Variants in PRKDC observed in about 807,000 individuals in gnomAD.
PRKDC encodes the protein protein kinase, DNA-activated, catalytic subunit.
Under a neutral mutation model 486.9 loss-of-function variants are expected in PRKDC, and 82 were observed. The ratio of observed to expected loss-of-function variants is 0.17; its 90% CI spans 0.14 to 0.20. PRKDC has a LOEUF of 0.20. Ranked by LOEUF, PRKDC falls within the 10% of genes least tolerant of loss-of-function variation. The probability of loss-of-function intolerance (pLI) is 1.00; values close to 1 mark genes in which losing one functional copy is unlikely to be tolerated. For synonymous variants in PRKDC, 1,895 were observed against 1,837.0 expected (o/e 1.03, Z -0.81); for missense variants, 4,504 against 5,038.2 (o/e 0.89, Z 3.21).
intron 76 of PRKDC, among the ~76,000 whole-genome samples, chr8:47,788,046 A>G (rs1314198335): frequency 6.6e-6 from 1 of 152,232 alleles, no homozygotes; most frequent in Non-Finnish European, 1.5e-5. Flanking sequence ...AAGAGTTCCA[A>G]GACTTATCTA....
At chr8:47,868,113 T>C (rs2088860032) in intron 40 of PRKDC, among the ~76,000 whole-genome samples, 1 of 152,206 alleles carries the variant, frequency 6.6e-6, no homozygotes, top group South Asian at 2.1e-4. Context: ...TTTGTGTTTA[T>C]ATTCATGAAG....
chr8:47,866,718 A>T (rs896203256), intron 40 of PRKDC, among the ~76,000 whole-genome samples: 1 of 152,222 alleles, frequency 6.6e-6, no homozygotes, highest in Non-Finnish European at 1.5e-5. Flanking sequence ...CAGATACACT[A>T]GTATATTACA....
intron 22 of PRKDC, among the ~76,000 whole-genome samples, chr8:47,917,216 A>G (rs749551244): frequency 6.6e-6 from 1 of 152,078 alleles, no homozygotes; most frequent in Non-Finnish European, 1.5e-5. Context: ...GATCACACCA[A>G]TGCACTCCAC....
Position 47,875,932 on chromosome 8 carries a change from T to G in PRKDC, c.5363+1792A>C, listed in dbSNP as rs560776056. ...GTTAATTATGATATTTTTAAAAATA[T>G]CAGTAGAAAGGAATGAACTATGTCA... On this transcript the variant is annotated intron_variant, in intron 40 of 85. Coordinates refer to ENST00000314191, the MANE Select transcript of PRKDC (RefSeq NM_006904.7). Among the ~76,000 whole-genome samples the G allele has an allele frequency of 3.4e-4, 52 of 152,304 alleles. No homozygotes were observed. In the South Asian group the frequency reaches 0.011, roughly 31 times the overall value.
chr8:47,823,950 T>C lies in PRKDC; in HGVS notation c.8830A>G (p.Thr2944Ala), dbSNP rs2087666538. Reference protein sequence around the residue: ...GEYDVLRGIFTSEIGTKQITQ... With the variant: ...GEYDVLRGIFASEIGTKQITQ... Reference sequence around the variant, plus strand: ...ATTTGCTTTGTTCCTATCTCACTGGTAAAAATCCCACGGAGGACGTCGTAT... The same window carrying C: ...ATTTGCTTTGTTCCTATCTCACTGGCAAAAATCCCACGGAGGACGTCGTAT... The change falls in exon 64 of 86, where the codon ACC (threonine) becomes GCC (alanine). Residue 2944 changes from threonine to alanine, a missense_variant. Physicochemically the swap from Thr to Ala is moderately conservative, Grantham distance 58 (BLOSUM62 0). Around this residue, in one of 6 missense-constraint regions of PRKDC, gnomAD observed 1,592 missense variants for 1,724.6 expected, o/e 0.92. Transcript: ENST00000314191. 1.2e-6 allele frequency: 2 copies of C among 1,613,628 alleles called. No homozygotes were observed. Among genetic ancestry groups the C allele is most frequent in the East Asian group, 4.5e-5 (2 of 44,866 alleles).
chr8:47,901,669 T>C (rs966511965), intron 27 of PRKDC, among the ~76,000 whole-genome samples: 1 of 152,200 alleles, frequency 6.6e-6, no homozygotes, highest in African/African-American at 2.4e-5. Context: ...CTAATTATTA[T>C]CTATGTGTCC....
intron 7 of PRKDC, among the ~76,000 whole-genome samples, chr8:47,953,122 C>T (rs1368535189): frequency 2.0e-5 from 3 of 151,810 alleles, no homozygotes; most frequent in African/African-American, 4.8e-5. Context: ...CCCTGGGCTA[C>T]GGAGCGAGAC....
intron 71 of PRKDC, among the ~76,000 whole-genome samples, chr8:47,800,393 G>C (rs1456705140): frequency 1.3e-5 from 2 of 151,288 alleles, no homozygotes; most frequent in African/African-American, 4.9e-5. Context: ...TCACTCATAG[G>C]TGGGAACTGA....
intron 40 of PRKDC, 57 bp from the exon 41 acceptor site, chr8:47,864,820 A>C (rs2088769745): frequency 5.7e-6 from 8 of 1,399,652 alleles, no homozygotes; most frequent in African/African-American, 1.4e-5. Context: ...GAACTTTATG[A>C]GTGCCTACTA....
At chr8:47,803,521 T>TA (rs758744700) in intron 69 of PRKDC, 41 bp from the exon 70 acceptor site, 3 of 1,597,064 alleles carry the variant, frequency 1.9e-6, no homozygotes, top group Non-Finnish European at 2.6e-6. Context: ...GGTATGATGA[T>TA]ACACAAGTGA....
At chr8:47,957,804 G>A (rs1167417472) in intron 1 of PRKDC, among the ~76,000 whole-genome samples, 1 of 152,098 alleles carries the variant, frequency 6.6e-6, no homozygotes, top group Non-Finnish European at 1.5e-5. Flanking sequence ...GTGAGCCACC[G>A]CGCCTGGCCA....
intron 1 of PRKDC, among the ~76,000 whole-genome samples, chr8:47,958,541 G>A (rs1188253756): frequency 1.3e-5 from 2 of 152,152 alleles, no homozygotes; most frequent in Non-Finnish European, 2.9e-5. Context: ...AGTGAAAGGA[G>A]ATATGGCATA....
chr8:47,777,913 C>T, intron 83 of PRKDC, 39 bp from the exon 84 acceptor site: 1 of 1,581,812 alleles, frequency 6.3e-7, no homozygotes. Flanking sequence ...ATATGTAAGC[C>T]AGAACTCTCA....
intron 40 of PRKDC, among the ~76,000 whole-genome samples, chr8:47,873,274 A>G (rs79630520): frequency 0.027 from 4,152 of 151,296 alleles, 203 homozygotes; most frequent in African/African-American, 0.094. Context: ...AGTTGGCTCA[A>G]GCCTGTAATC....
In PRKDC at chr8:47,927,698, A is replaced by G. The variant is rs2090176583; in HGVS notation, c.2259+73T>C. 5 of 1,410,974 alleles carry G rather than the reference A, an allele frequency of 3.5e-6. No homozygotes were observed. In the East Asian group the frequency reaches 1.3e-4, roughly 37 times the overall value. 87.4% of individuals were successfully genotyped at this position (1,410,974 alleles called of 1,614,324 possible). On this transcript the variant is annotated intron_variant, in intron 20 of 85. Coordinates refer to ENST00000314191, the MANE Select transcript of PRKDC (RefSeq NM_006904.7). ...CGCCTGCTGGGACTGCCAGGGCAAGAGGATGGTGTTTCTATGTGCTCTGGG... is the reference window on the plus strand; with the variant it reads ...CGCCTGCTGGGACTGCCAGGGCAAGGGGATGGTGTTTCTATGTGCTCTGGG...
chr8:47,863,562 A>C lies in PRKDC; in HGVS notation c.5587T>G (p.Phe1863Val). 6.2e-7 allele frequency: 1 copy of C among 1,610,914 alleles called. No individual in the cohort carries two copies. Among genetic ancestry groups the C allele is most frequent in the East Asian group, 2.2e-5 (1 of 44,716 alleles). Residue 1863 changes from phenylalanine to valine, a missense_variant, in exon 42 of 86, where the codon TTT becomes GTT. Phe to Val is a conservative substitution (Grantham distance 50). Coordinates refer to ENST00000314191, the MANE Select transcript of PRKDC (RefSeq NM_006904.7). Reference protein sequence around the residue: ...SRFTKLNESTFDTQITKKMGY... With the variant: ...SRFTKLNESTVDTQITKKMGY... ...ATCTTCTTGGTGATTTGAGTATCAAAGGTAGATTCATTTAGCTTCAAAAAG... is the reference window on the plus strand; with the variant it reads ...ATCTTCTTGGTGATTTGAGTATCAACGGTAGATTCATTTAGCTTCAAAAAG...
intron 11 of PRKDC, among the ~76,000 whole-genome samples, chr8:47,937,483 T>TG (rs1192089315): frequency 3.9e-5 from 6 of 152,214 alleles, no homozygotes; most frequent in Non-Finnish European, 8.8e-5. Context: ...GACTGGAAGA[T>TG]GCTCCATGTC....
chr8:47,953,440 C>T (rs1049664374), intron 7 of PRKDC, among the ~76,000 whole-genome samples, 180 bp downstream of exon 7: 7 of 152,222 alleles, frequency 4.6e-5, no homozygotes, highest in African/African-American at 1.7e-4. Flanking sequence ...TGCTGTTGTG[C>T]TGTAGTTGGG....
intron 1 of PRKDC, 84 bp downstream of exon 1, chr8:47,959,889 C>T (rs1401249469): frequency 2.0e-6 from 3 of 1,499,572 alleles, no homozygotes; most frequent in Admixed American, 4.2e-5. Flanking sequence ...GTCATCTAAA[C>T]ACAGAGAAGC....
Sources: allele counts gnomAD v4.1 joint callset (sites outside exome capture counted in the v4.1 genomes callset), GRCh38; gene constraint gnomAD v4.1.1; regional missense constraint gnomAD v4.1.1; transcripts MANE v1.5; gene names NCBI Gene and HGNC (gene_info 2026-07-23, HGNC 2026-07-21).